The following JADE3 variants were observed in gnomAD, a reference collection of about 807,000 sequenced individuals.
JADE3 encodes the protein protein Jade-3.
Under a neutral mutation model 50.1 loss-of-function variants are expected in JADE3, and 2 were observed. The observed-to-expected ratio is 0.04, with a 90% CI of 0.02 to 0.13. The LOEUF is 0.13. Among genes scored for constraint, JADE3 ranks in the 10% least tolerant of loss-of-function variants. The probability of loss-of-function intolerance (pLI) is 1.00; values close to 1 mark genes in which losing one functional copy is unlikely to be tolerated. For synonymous variants in JADE3, 218 were observed against 232.9 expected (o/e 0.94, Z 0.58); for missense variants, 475 against 634.4 (o/e 0.75, Z 2.70).
chrX:47,021,085 CT>C (rs1238403492), intron 4 of JADE3, among the ~76,000 whole-genome samples: 1 of 108,339 alleles, frequency 9.2e-6, no homozygotes, highest in Non-Finnish European at 1.9e-5. Context: ...TGAGAACTAC[CT>C]AAAAAAAAAA....
intron 1 of JADE3, among the ~76,000 whole-genome samples, chrX:46,983,705 T>G (rs1250098213): frequency 8.9e-6 from 1 of 111,878 alleles, no homozygotes; most frequent in Non-Finnish European, 1.9e-5. Context: ...ACTTTGACTT[T>G]ACTTTATGAA....
chrX:46,965,475 A>T (rs1246652465), intron 1 of JADE3, among the ~76,000 whole-genome samples: 2 of 111,440 alleles, frequency 1.8e-5, no homozygotes, highest in Admixed American at 9.5e-5. Context: ...TGATAATATT[A>T]GTGGTTAAAA....
At chrX:46,917,846 TCTCTCTCTCATC>T (rs1359793994) in intron 1 of JADE3, among the ~76,000 whole-genome samples, 1 of 91,396 alleles carries the variant, frequency 1.1e-5, no homozygotes, top group Non-Finnish European at 2.2e-5. Context: ...TCTCTCTCTC[TCTCTCTCTCATC>T]CTCTCTCTCT....
chrX:47,051,615 G>A lies in JADE3; in HGVS notation c.973-2543G>A, dbSNP rs782234979. 2.7e-5 allele frequency among the ~76,000 whole-genome samples: 3 copies of A among 109,666 alleles called. No individual in the cohort carries two copies. In the East Asian group the frequency reaches 8.7e-4, roughly 32 times the overall value. On this transcript the variant is annotated intron_variant, in intron 8 of 10. Transcript: ENST00000614628. ...AAGACCAGACCAGCCTGGCCAACAT[G>A]GTGAAACCCCGTCTCTACTATAAAT...
chrX:46,927,289 CAT>C (rs1926389720), intron 1 of JADE3, among the ~76,000 whole-genome samples: 1 of 112,202 alleles, frequency 8.9e-6, no homozygotes, highest in Non-Finnish European at 1.9e-5. Context: ...ATTATTATCT[CAT>C]GTTTAATAGA....
chrX:47,046,529 A>G (rs993539433), intron 8 of JADE3, among the ~76,000 whole-genome samples: 2 of 112,179 alleles, frequency 1.8e-5, no homozygotes, highest in Non-Finnish European at 1.9e-5. Context: ...AACTCATTCT[A>G]CAAAGCCAGT....
chrX:47,024,753 T>C lies in JADE3; in HGVS notation c.314T>C (p.Leu105Pro). The change falls in exon 5 of 11, where the codon CTG becomes CCG. Residue 105 changes from leucine (L) to proline (P), a missense_variant. By Grantham distance (98) the Leu-to-Pro change is moderately conservative. Transcript: ENST00000614628. ...RIIAEKVKDV[L>P]FIRPRKYIHC... The stretch of plus-strand genomic sequence containing the variant: ...ATAGCTGAGAAGGTAAAGGACGTTC[T>C]GTTTATCCGACCCCGGAAGTATATT... 8.4e-7 allele frequency: 1 copy of C among 1,196,432 alleles called. No homozygotes were observed.
intron 1 of JADE3, among the ~76,000 whole-genome samples, chrX:46,962,313 T>TC (rs1224901181): frequency 9.0e-6 from 1 of 111,210 alleles, no homozygotes; most frequent in Non-Finnish European, 1.9e-5. Flanking sequence ...AAATATATCC[T>TC]CCCCCCACTG....
intron 1 of JADE3, among the ~76,000 whole-genome samples, chrX:46,946,371 G>A (rs925086891): frequency 3.1e-4 from 34 of 111,391 alleles, no homozygotes; most frequent in African/African-American, 1.0e-3. Context: ...GTGTTCTTAC[G>A]TCATCACCCA....
intron 1 of JADE3, among the ~76,000 whole-genome samples, chrX:46,968,958 C>CT (rs1356346749): frequency 1.8e-5 from 2 of 112,366 alleles, no homozygotes; most frequent in African/African-American, 6.5e-5. Context: ...TTATAGAATG[C>CT]TTCACCCAAC....
rs1929671747 is a variant in JADE3, at chrX:47,058,228, G to C, written c.1623G>C (p.Leu541Phe). Residue 541 changes from leucine (L) to phenylalanine (F), a missense_variant, in exon 11 of 11, where the codon TTG (leucine) becomes TTC (phenylalanine). By Grantham distance (22) the Leu-to-Phe change is conservative. Coordinates refer to ENST00000614628, the MANE Select transcript of JADE3 (RefSeq NM_014735.5). ...SLFYPPPRITLKLKMPKSTPE... is the reference protein window; with the variant it reads ...SLFYPPPRITFKLKMPKSTPE... The stretch of plus-strand genomic sequence containing the variant: ...TTTACCCACCACCAAGAATTACCTT[G>C]AAGTTAAAAATGCCCAAATCAACCC... The C allele has an allele frequency of 8.3e-7, 1 of 1,207,872 alleles. No individual in the cohort carries two copies. Among genetic ancestry groups the C allele is most frequent in the African/African-American group, 1.8e-5 (1 of 56,646 alleles).
chrX:47,053,867 A>G (rs1327904414), intron 8 of JADE3, among the ~76,000 whole-genome samples: 2 of 111,963 alleles, frequency 1.8e-5, no homozygotes, highest in African/African-American at 6.5e-5. Flanking sequence ...AGAAGAGACT[A>G]CATGACTGTT....
intron 3 of JADE3, among the ~76,000 whole-genome samples, chrX:46,996,523 G>A (rs887925300): frequency 8.9e-6 from 1 of 112,232 alleles, no homozygotes; most frequent in African/African-American, 3.2e-5. Flanking sequence ...TTCACAGTAT[G>A]AAGGCCAAAA....
At position 47,058,641 on chromosome X, in the gene JADE3, A is replaced by G. The variant is rs918908661; in HGVS notation, c.2036A>G (p.Gln679Arg). Residue 679 changes from glutamine to arginine, a missense_variant, in exon 11 of 11, where the codon CAA becomes CGA. Physicochemically the swap from Gln to Arg is conservative, Grantham distance 43. Coordinates refer to ENST00000614628, the MANE Select transcript of JADE3 (RefSeq NM_014735.5). ...GGCAGCTGGTCTGGGAATGTCACCC[A>G]AAAAGACAGCTCGAGTGAGATGTTC... ...LEGSWSGNVT[Q>R]KDSSSEMFCD... is the part of the protein sequence containing the mutation. 2 of 1,209,699 alleles carry G rather than the reference A, an allele frequency of 1.7e-6. No individual in the cohort carries two copies. The highest frequency in any genetic ancestry group is 3.5e-5 in the African/African-American group (2 of 57,188).
intron 8 of JADE3, among the ~76,000 whole-genome samples, chrX:47,040,643 A>G (rs1188323448): frequency 8.9e-6 from 1 of 112,098 alleles, no homozygotes; most frequent in African/African-American, 3.2e-5. Flanking sequence ...TGCTTGAATC[A>G]TCCCAAAACC....
At chrX:47,046,074 G>A in intron 8 of JADE3, among the ~76,000 whole-genome samples, 1 of 109,977 alleles carries the variant, frequency 9.1e-6, no homozygotes, top group Non-Finnish European at 1.9e-5. Context: ...GGAAAAAAAA[G>A]ATCAACAAAA....
At chrX:46,917,795 G>GTC (rs1169512652) in intron 1 of JADE3, among the ~76,000 whole-genome samples, 45 of 18,244 alleles carry the variant, frequency 2.5e-3, no homozygotes, top group African/African-American at 0.011. Context: ...CTAATGGGAG[G>GTC]TCTGTCTCTC....
chrX:46,997,513 G>A (rs1010453580), intron 3 of JADE3, among the ~76,000 whole-genome samples: 32 of 111,233 alleles, frequency 2.9e-4, no homozygotes, highest in African/African-American at 1.0e-3. Context: ...GTGAGACCCT[G>A]TCTCAAAAAA....
At chrX:46,965,829 C>G (rs138185035) in intron 1 of JADE3, among the ~76,000 whole-genome samples, 1 of 111,102 alleles carries the variant, frequency 9.0e-6, no homozygotes, top group Non-Finnish European at 1.9e-5. Flanking sequence ...CTGTGTTGGC[C>G]TTGATGAGGA....
Sources: allele counts gnomAD v4.1 joint callset (sites outside exome capture counted in the v4.1 genomes callset), GRCh38; gene constraint gnomAD v4.1.1; transcripts MANE v1.5; gene names NCBI Gene and HGNC (gene_info 2026-07-23, HGNC 2026-07-21).